Variants in CCSER1 observed in about 807,000 individuals in gnomAD.
CCSER1 encodes the protein coiled-coil serine rich protein 1.
In CCSER1, 41 loss-of-function variants were observed where a neutral mutation model predicts 82.0. The observed-to-expected ratio is 0.50, with a 90% confidence interval of 0.39 to 0.65. The LOEUF (loss-of-function observed/expected upper bound fraction) is 0.65, where lower values mean the gene tolerates loss of function less well. CCSER1 is among the 30% of genes least tolerant of loss of function. The pLI is 0.00. For synonymous variants in CCSER1, 414 were observed against 383.9 expected (o/e 1.08, Z -0.92); for missense variants, 1,119 against 1,064.2 (o/e 1.05, Z -0.72).
chr4:90,384,808 A>T (rs1033133597), intron 3 of CCSER1, among the ~76,000 whole-genome samples: 3 of 152,170 alleles, frequency 2.0e-5, no homozygotes, highest in Non-Finnish European at 4.4e-5. Context: ...ATAGTGAGGA[A>T]GTCTGAACTT....
chr4:90,579,282 C>T (rs1781146632), intron 5 of CCSER1, among the ~76,000 whole-genome samples: 1 of 152,110 alleles, frequency 6.6e-6, no homozygotes, highest in Admixed American at 6.6e-5. Context: ...AGCAGCTCTA[C>T]TAGGATTCTT....
intron 4 of CCSER1, among the ~76,000 whole-genome samples, chr4:90,433,621 A>G (rs1758603715): frequency 1.3e-5 from 2 of 152,152 alleles, no homozygotes; most frequent in Non-Finnish European, 1.5e-5. Context: ...TGTGGACTAC[A>G]CAGCAAGTTA....
At chr4:90,162,935 C>T (rs2153367714) in intron 1 of CCSER1, among the ~76,000 whole-genome samples, 1 of 152,160 alleles carries the variant, frequency 6.6e-6, no homozygotes, top group South Asian at 2.1e-4. Flanking sequence ...TAGTATAAAA[C>T]AATTTGTGTC....
intron 10 of CCSER1, among the ~76,000 whole-genome samples, chr4:91,493,997 A>T (rs1758685270): frequency 6.6e-6 from 1 of 151,852 alleles, no homozygotes; most frequent in African/African-American, 2.4e-5. Context: ...ATATGTCAAA[A>T]CTTAATTGCC....
intron 9 of CCSER1, among the ~76,000 whole-genome samples, chr4:90,932,889 A>AGAAGGAAG (rs796716530): frequency 0.05 from 2,480 of 49,616 alleles, 815 homozygotes; most frequent in Non-Finnish European, 0.074. Flanking sequence ...AAGGAAAGAA[A>AGAAGGAAG]GAAGGAAGGA....
chr4:91,424,040 C>T (rs913436546), intron 10 of CCSER1, among the ~76,000 whole-genome samples: 6 of 112,232 alleles, frequency 5.3e-5, no homozygotes, highest in South Asian at 6.0e-4. Context: ...GACGGAGTCT[C>T]GCTCTGTCGC....
intron 1 of CCSER1, among the ~76,000 whole-genome samples, chr4:90,242,278 G>T (rs1212847471): frequency 1.3e-5 from 2 of 152,210 alleles, no homozygotes; most frequent in African/African-American, 2.4e-5. Flanking sequence ...GTGCACTCTA[G>T]CCTGGGCTAC....
intron 8 of CCSER1, among the ~76,000 whole-genome samples, chr4:90,821,413 C>G (rs1011730099): frequency 6.6e-6 from 1 of 151,990 alleles, no homozygotes; most frequent in African/African-American, 2.4e-5. Flanking sequence ...AAAGAACCAA[C>G]GTTCAGAATC....
intron 10 of CCSER1, among the ~76,000 whole-genome samples, chr4:91,229,288 CA>C (rs59877595): frequency 0.087 from 12,044 of 138,116 alleles, 860 homozygotes; most frequent in African/African-American, 0.21. Context: ...CAAAAACCTG[CA>C]AAAAAAAAAA....
chr4:91,067,493 G>A (rs573802924), intron 9 of CCSER1, among the ~76,000 whole-genome samples: 2 of 152,010 alleles, frequency 1.3e-5, no homozygotes, highest in South Asian at 2.1e-4. Context: ...CTACAGGCCT[G>A]CCCTACCACC....
At chr4:90,771,592 A>G (rs1229289118) in intron 7 of CCSER1, among the ~76,000 whole-genome samples, 1 of 151,356 alleles carries the variant, frequency 6.6e-6, no homozygotes, top group Non-Finnish European at 1.5e-5. Flanking sequence ...AGAAAAGAAA[A>G]AAATGCATAT....
intron 10 of CCSER1, among the ~76,000 whole-genome samples, chr4:91,100,128 T>C (rs979167157): frequency 6.6e-6 from 1 of 152,026 alleles, no homozygotes; most frequent in Non-Finnish European, 1.5e-5. Context: ...ACCCATCTGA[T>C]GAGAATTTAT....
At chr4:90,881,411 A>T (rs2150074034) in intron 8 of CCSER1, among the ~76,000 whole-genome samples, 1 of 152,338 alleles carries the variant, frequency 6.6e-6, no homozygotes, top group Middle Eastern at 3.4e-3. Context: ...ACTCCCAAAC[A>T]GATTACTTTG....
rs10026110 is a variant in CCSER1 at position 90,376,294 on chromosome 4, G to A, written c.1510-23742G>A. Among the ~76,000 whole-genome samples the A allele has an allele frequency of 8.0e-3, 1,217 of 152,282 alleles. 14 individuals are homozygous for A. Among genetic ancestry groups the A allele is most frequent in the African/African-American group, 0.028 (1,171 of 41,552 alleles). On this transcript the variant is annotated intron_variant, in intron 3 of 10. Transcript: ENST00000509176. ...TGGGATTCACTAATCTGAAAAGGCA[G>A]TACAACATTTCTCCTTGTCTTCAGC...
intron 10 of CCSER1, among the ~76,000 whole-genome samples, chr4:91,235,057 G>GA (rs1212363554): frequency 2.0e-5 from 3 of 151,702 alleles, no homozygotes; most frequent in Non-Finnish European, 4.4e-5. Context: ...TGTGCAAAAT[G>GA]AAAAAAACAA....
intron 9 of CCSER1, among the ~76,000 whole-genome samples, chr4:91,017,751 C>A (rs1739557960): frequency 6.6e-6 from 1 of 151,958 alleles, no homozygotes; most frequent in Non-Finnish European, 1.5e-5. Context: ...ATTCTGGAAT[C>A]TGACATTTGC....
chr4:90,999,887 T>A (rs1737845624), intron 9 of CCSER1, among the ~76,000 whole-genome samples: 1 of 151,464 alleles, frequency 6.6e-6, no homozygotes, highest in African/African-American at 2.4e-5. Context: ...AGGTTTTTTT[T>A]TTTTTTTTCC....
At chr4:91,332,548 T>C (rs1560594591) in intron 10 of CCSER1, among the ~76,000 whole-genome samples, 2 of 151,728 alleles carry the variant, frequency 1.3e-5, no homozygotes, top group South Asian at 2.1e-4. Flanking sequence ...AATAGATACA[T>C]ATAATAAATT....
At chr4:90,869,853 A>AT (rs1226279217) in intron 8 of CCSER1, among the ~76,000 whole-genome samples, 1 of 151,090 alleles carries the variant, frequency 6.6e-6, no homozygotes, top group Non-Finnish European at 1.5e-5. Context: ...ATATCTTTTC[A>AT]TTTTTTTGTT....
Sources: allele counts gnomAD v4.1 joint callset (sites outside exome capture counted in the v4.1 genomes callset), GRCh38; gene constraint gnomAD v4.1.1; transcripts MANE v1.5; gene names NCBI Gene and HGNC (gene_info 2026-07-23, HGNC 2026-07-21).